The following LINGO2 variants were observed in gnomAD, a reference collection of about 807,000 sequenced individuals.
LINGO2 encodes leucine rich repeat and Ig domain containing 2.
A neutral mutation model predicts 30.6 loss-of-function variants in LINGO2; 14 were observed. That is an observed-to-expected ratio of 0.46 (90% confidence interval 0.30 to 0.72). The LOEUF is 0.72. Among genes scored for constraint, LINGO2 ranks in the 30% least tolerant of loss-of-function variants. The pLI is 0.07. For synonymous variants in LINGO2, 317 were observed against 288.5 expected, an observed-to-expected ratio of 1.10 and a Z score of -1.00; for missense variants, 729 against 751.7, an observed-to-expected ratio of 0.97 and a Z score of 0.35.
chr9:29,055,478 A>C, the LINGO2 span, among the ~76,000 whole-genome samples: 2 of 152,118 alleles, frequency 1.3e-5, no homozygotes, highest in Non-Finnish European at 2.9e-5. Context: ...TTATGCCAAC[A>C]TTTTGGCTAT....
chr9:28,706,344 C>T, the LINGO2 span, among the ~76,000 whole-genome samples: 1 of 151,982 alleles, frequency 6.6e-6, no homozygotes. Flanking sequence ...GAATCCATGG[C>T]CATTCTTAAG....
chr9:27,996,700 A>T (rs1390919757), intron 5 of LINGO2, among the ~76,000 whole-genome samples: 2 of 152,226 alleles, frequency 1.3e-5, no homozygotes, highest in Non-Finnish European at 1.5e-5. Flanking sequence ...ATAGCACAAT[A>T]GGGCAACTAT....
the LINGO2 span, among the ~76,000 whole-genome samples, chr9:28,744,091 C>A: frequency 5.6e-5 from 8 of 142,990 alleles, no homozygotes; most frequent in African/African-American, 2.1e-4. Flanking sequence ...CTCTTGAACT[C>A]CTATATATAT....
the LINGO2 span, among the ~76,000 whole-genome samples, chr9:28,972,230 G>A: frequency 6.6e-6 from 1 of 152,202 alleles, no homozygotes; most frequent in African/African-American, 2.4e-5. Flanking sequence ...ACTCTTCAAT[G>A]TGCAGACACA....
At chr9:28,876,820 C>G in the LINGO2 span, among the ~76,000 whole-genome samples, 1 of 152,050 alleles carries the variant, frequency 6.6e-6, no homozygotes, top group African/African-American at 2.4e-5. Flanking sequence ...CCTGAGGAAT[C>G]GCCACACTGA....
At chr9:28,400,825 G>A (rs1170798747) in intron 2 of LINGO2, among the ~76,000 whole-genome samples, 2 of 152,184 alleles carry the variant, frequency 1.3e-5, no homozygotes, top group African/African-American at 4.8e-5. Flanking sequence ...CATGTAAGAA[G>A]TTCTGAAAAA....
the LINGO2 span, among the ~76,000 whole-genome samples, chr9:29,088,312 T>C: frequency 9.2e-5 from 14 of 152,094 alleles, no homozygotes; most frequent in Non-Finnish European, 1.6e-4. Context: ...AATACACAAC[T>C]CTCTGCTCAT....
At chr9:28,737,689 T>C in the LINGO2 span, among the ~76,000 whole-genome samples, 4 of 152,266 alleles carry the variant, frequency 2.6e-5, no homozygotes, top group Admixed American at 1.3e-4. Context: ...CAAGCCTACA[T>C]CTAAAGCTTT....
chr9:28,774,293 G>A, the LINGO2 span, among the ~76,000 whole-genome samples: 3 of 151,986 alleles, frequency 2.0e-5, no homozygotes, highest in Non-Finnish European at 4.4e-5. Context: ...CTCCTAAAAC[G>A]GTTCACTGAA....
chr9:29,111,841 G>A, the LINGO2 span, among the ~76,000 whole-genome samples: 1 of 150,054 alleles, frequency 6.7e-6, no homozygotes, highest in South Asian at 2.1e-4. Flanking sequence ...ATATATGTGT[G>A]TGTAGGTGTG....
intron 4 of LINGO2, among the ~76,000 whole-genome samples, chr9:28,256,990 A>G (rs1822403174): frequency 6.6e-6 from 1 of 151,884 alleles, no homozygotes; most frequent in South Asian, 2.1e-4. Context: ...CTGGATCATT[A>G]AAAATATTAA....
intron 4 of LINGO2, among the ~76,000 whole-genome samples, chr9:28,280,179 C>T (rs571473671): frequency 2.1e-4 from 32 of 152,042 alleles, no homozygotes; most frequent in African/African-American, 4.3e-4. Context: ...AAGTAGTGTG[C>T]GGAAAAATTA....
the LINGO2 span, among the ~76,000 whole-genome samples, chr9:29,031,282 T>G: frequency 6.6e-6 from 1 of 151,790 alleles, no homozygotes. Flanking sequence ...GATTTATTTA[T>G]TTATTTATTT....
At chr9:28,104,759 T>C (rs1260703010) in intron 4 of LINGO2, among the ~76,000 whole-genome samples, 2 of 152,156 alleles carry the variant, frequency 1.3e-5, no homozygotes, top group South Asian at 2.1e-4. Context: ...CTGATGTGCT[T>C]TCTTCTTTGA....
intron 4 of LINGO2, among the ~76,000 whole-genome samples, chr9:28,151,118 C>G (rs1827987850): frequency 6.6e-6 from 1 of 152,126 alleles, no homozygotes; most frequent in Non-Finnish European, 1.5e-5. Context: ...AGTTCACTTA[C>G]TATGATGAGT....
chr9:28,750,494 G>C, the LINGO2 span, among the ~76,000 whole-genome samples: 1 of 152,072 alleles, frequency 6.6e-6, no homozygotes, highest in Non-Finnish European at 1.5e-5. Context: ...TCTGAAGAAG[G>C]CTCTGGGCCC....
At chr9:29,058,271 A>G in the LINGO2 span, among the ~76,000 whole-genome samples, 1 of 152,142 alleles carries the variant, frequency 6.6e-6, no homozygotes, top group Non-Finnish European at 1.5e-5. Context: ...TAAAAAATTG[A>G]ATGTTGAGAA....
At chr9:28,204,344 G>A (rs571607843) in intron 4 of LINGO2, among the ~76,000 whole-genome samples, 11 of 152,134 alleles carry the variant, frequency 7.2e-5, no homozygotes, top group African/African-American at 2.4e-4. Flanking sequence ...TTACTAATAC[G>A]ATTAAGTAAT....
At chr9:28,749,785 G>GAGT in the LINGO2 span, among the ~76,000 whole-genome samples, 1 of 152,002 alleles carries the variant, frequency 6.6e-6, no homozygotes, top group Non-Finnish European at 1.5e-5. Flanking sequence ...CTCTAAGAAT[G>GAGT]AGTACGTGAA....
Sources: gnomAD v4.1 joint callset for allele counts (sites outside exome capture counted in the v4.1 genomes callset) on GRCh38, gnomAD v4.1.1 for gene constraint, MANE v1.5 for transcripts, NCBI Gene and HGNC (gene_info 2026-07-23, HGNC 2026-07-21) for gene names.